PHF24: variants seen among roughly 807,000 people sequenced by gnomAD.
PHF24 encodes PHD finger protein 24.
A neutral mutation model predicts 42.6 loss-of-function variants in PHF24; 25 were observed. That is an observed-to-expected ratio of 0.59 (90% confidence interval 0.43 to 0.82). PHF24 has a LOEUF of 0.82. Among genes scored for constraint, PHF24 ranks in the 40% least tolerant of loss-of-function variants. The pLI, the probability that PHF24 is intolerant of heterozygous loss-of-function variation, is 0.00. For synonymous variants in PHF24, 185 were observed against 204.8 expected, an observed-to-expected ratio of 0.90 and a Z score of 0.83; for missense variants, 470 against 538.1, an observed-to-expected ratio of 0.87 and a Z score of 1.25.
At chr9:34,922,422 C>T in the PHF24 span, 1 of 1,358,352 alleles carries the variant, frequency 7.4e-7, no homozygotes, top group Non-Finnish European at 1.1e-6. Context: ...CAGACCCAGT[C>T]TGATAGGATA....
the PHF24 span, among the ~76,000 whole-genome samples, chr9:34,763,507 T>C: frequency 6.6e-6 from 1 of 152,170 alleles, no homozygotes; most frequent in South Asian, 2.1e-4. Context: ...TTGTCTGTTA[T>C]TGGTATACAA....
chr9:34,732,321 G>C, the PHF24 span, among the ~76,000 whole-genome samples: 1 of 152,150 alleles, frequency 6.6e-6, no homozygotes. Flanking sequence ...TGATATCTCA[G>C]TGTAGTTTTG....
chr9:34,707,673 G>A, the PHF24 span, among the ~76,000 whole-genome samples: 1 of 152,086 alleles, frequency 6.6e-6, no homozygotes, highest in African/African-American at 2.4e-5. Context: ...AAAGTTGATG[G>A]AGCAGCCACT....
the PHF24 span, chr9:34,833,604 G>A: frequency 2.6e-6 from 4 of 1,547,746 alleles, no homozygotes; most frequent in African/African-American, 2.8e-5. Flanking sequence ...TGTATCTCTA[G>A]GACCTTTTTT....
At chr9:34,752,411 A>G in the PHF24 span, among the ~76,000 whole-genome samples, 922 of 152,302 alleles carry the variant, frequency 6.1e-3, 15 homozygotes, top group African/African-American at 0.021. Flanking sequence ...AGGGGCAACT[A>G]TATGCCAATA....
exon 8 of PHF24, chr9:34,978,654 T>A (rs541805478): frequency 6.5e-6 from 1 of 153,646 alleles, no homozygotes; most frequent in Admixed American, 6.4e-5. Flanking sequence ...AAATCCCTTC[T>A]GCAGTCAGCT....
chr9:34,832,636 T>A, the PHF24 span: 3 of 1,540,934 alleles, frequency 1.9e-6, no homozygotes, highest in Non-Finnish European at 2.6e-6. Context: ...GTCTTGGGGT[T>A]AATACACTCC....
At chr9:34,978,461 G>T (rs1372405755) in exon 8 of PHF24, 5 of 244,944 alleles carry the variant, frequency 2.0e-5, no homozygotes, top group Non-Finnish European at 4.0e-5. Context: ...AAGGACCAAA[G>T]TCCCTTTGTG....
the PHF24 span, chr9:34,889,463 C>T: frequency 2.5e-6 from 1 of 398,554 alleles, no homozygotes; most frequent in South Asian, 1.3e-4. Flanking sequence ...TAGCTCCCCA[C>T]ACATGATCTT....
At chr9:34,874,120 A>G in the PHF24 span, among the ~76,000 whole-genome samples, 1 of 152,140 alleles carries the variant, frequency 6.6e-6, no homozygotes, top group African/African-American at 2.4e-5. Context: ...TTTTCTAGAT[A>G]TACAATCATG....
At chr9:34,977,103 G>A (rs1328672761) in exon 6 of PHF24, 1 of 1,606,982 alleles carries the variant, frequency 6.2e-7, no homozygotes, top group Admixed American at 1.7e-5. Flanking sequence ...TGAGGCTTCT[G>A]ACAGTGAAGG....
intron 2 of PHF24, among the ~76,000 whole-genome samples, chr9:34,971,976 T>C (rs773600278): frequency 4.6e-5 from 7 of 151,880 alleles, no homozygotes; most frequent in Non-Finnish European, 1.0e-4. Context: ...CGGGAGGCAA[T>C]TGGAAATTTG....
At chr9:34,665,999 G>A in the PHF24 span, 1 of 396,930 alleles carries the variant, frequency 2.5e-6, no homozygotes, top group Non-Finnish European at 4.6e-6. Context: ...GCTGAGAGGG[G>A]TCAGCGCAGC....
the PHF24 span, chr9:34,895,106 A>G: frequency 5.0e-6 from 2 of 398,620 alleles, no homozygotes; most frequent in Middle Eastern, 1.3e-3. Context: ...AAACATTAGA[A>G]TGCAAAGCTG....
At chr9:34,933,517 G>A in the PHF24 span, among the ~76,000 whole-genome samples, 2 of 152,016 alleles carry the variant, frequency 1.3e-5, no homozygotes, top group Non-Finnish European at 2.9e-5. Context: ...GAGGTGAGGA[G>A]ATGGAGACCA....
At chr9:34,782,953 C>G in the PHF24 span, among the ~76,000 whole-genome samples, 545 of 152,296 alleles carry the variant, frequency 3.6e-3, 7 homozygotes, top group Middle Eastern at 0.037. Flanking sequence ...TAAGCCCTTC[C>G]TGATTTAGCT....
chr9:34,670,746 A>G, the PHF24 span, among the ~76,000 whole-genome samples: 4 of 152,156 alleles, frequency 2.6e-5, no homozygotes, highest in Non-Finnish European at 5.9e-5. Flanking sequence ...GGTCAGAGGT[A>G]GGAATGTGTC....
At chr9:34,903,692 A>G in the PHF24 span, among the ~76,000 whole-genome samples, 3 of 152,202 alleles carry the variant, frequency 2.0e-5, no homozygotes, top group East Asian at 1.9e-4. Context: ...GTGTCCCCCA[A>G]CTGCAGGAAA....
At chr9:34,799,278 G>A in the PHF24 span, among the ~76,000 whole-genome samples, 1 of 152,114 alleles carries the variant, frequency 6.6e-6, no homozygotes, top group African/African-American at 2.4e-5. Context: ...TTAAATCCTA[G>A]CGCTGCCATT....
Sources: allele counts gnomAD v4.1 joint callset (sites outside exome capture counted in the v4.1 genomes callset), GRCh38; gene constraint gnomAD v4.1.1; transcripts MANE v1.5; gene names NCBI Gene and HGNC (gene_info 2026-07-23, HGNC 2026-07-21).